The following RAPGEF2 variants were observed in gnomAD, a reference collection of about 807,000 sequenced individuals.
RAPGEF2 encodes the protein Rap guanine nucleotide exchange factor 2, also known as PDZ domain containing guanine nucleotide exchange factor (GEF) 1.
RAPGEF2 carries 54 observed loss-of-function variants against 186.7 expected under a neutral mutation model. That is an observed-to-expected ratio of 0.29 (90% CI 0.23 to 0.36). The LOEUF is 0.36. Among genes scored for constraint, RAPGEF2 ranks in the 10% least tolerant of loss-of-function variants. The pLI is 1.00. For synonymous variants in RAPGEF2, 712 were observed against 705.9 expected (o/e 1.01, Z -0.14); for missense variants, 1,532 against 2,045.0 (o/e 0.75, Z 4.84).
chr4:159,150,439 T>A (rs1022913882), intron 1 of RAPGEF2, among the ~76,000 whole-genome samples: 4 of 152,330 alleles, frequency 2.6e-5, no homozygotes, highest in African/African-American at 9.6e-5. Flanking sequence ...CACACATATT[T>A]TCTCTGTAAG....
chr4:159,146,122 G>A (rs1742936878), intron 1 of RAPGEF2, among the ~76,000 whole-genome samples: 1 of 151,942 alleles, frequency 6.6e-6, no homozygotes, highest in African/African-American at 2.4e-5. Context: ...CTTGCAGAGT[G>A]AATTATGATT....
intron 23 of RAPGEF2, among the ~76,000 whole-genome samples, chr4:159,344,716 A>G (rs1392117997): frequency 6.6e-6 from 1 of 152,224 alleles, no homozygotes; most frequent in Non-Finnish European, 1.5e-5. Flanking sequence ...ATTTAAATTT[A>G]TGTATAATAT....
At chr4:159,258,805 T>G (rs1332860743) in intron 7 of RAPGEF2, among the ~76,000 whole-genome samples, 2 of 152,154 alleles carry the variant, frequency 1.3e-5, no homozygotes, top group African/African-American at 4.8e-5. Context: ...AAAATTAGCA[T>G]TATTTAGTAT....
chr4:159,193,357 AACTT>A (rs1223307846), intron 3 of RAPGEF2, 101 bp downstream of exon 3: 1 of 532,496 alleles, frequency 1.9e-6, no homozygotes, highest in Non-Finnish European at 3.0e-6. Context: ...AGTCAGCACT[AACTT>A]ATTTTTCTTA....
intron 26 of RAPGEF2, among the ~76,000 whole-genome samples, chr4:159,351,841 C>T (rs1381661114): frequency 6.6e-6 from 1 of 152,072 alleles, no homozygotes; most frequent in Non-Finnish European, 1.5e-5. Flanking sequence ...ATCCCAGCCA[C>T]TCGGGAGGCT....
At chr4:159,170,492 G>A (rs1218327357) in intron 1 of RAPGEF2, among the ~76,000 whole-genome samples, 1 of 152,120 alleles carries the variant, frequency 6.6e-6, no homozygotes. Context: ...GTATTTACAT[G>A]GCATTAGATA....
chr4:159,243,310 T>A (rs1754235895), intron 6 of RAPGEF2, among the ~76,000 whole-genome samples: 1 of 151,900 alleles, frequency 6.6e-6, no homozygotes, highest in South Asian at 2.1e-4. Flanking sequence ...GATTGCATCC[T>A]TTTTTGGGGT....
intron 29 of RAPGEF2, among the ~76,000 whole-genome samples, chr4:159,357,589 A>G (rs1001174643): frequency 5.3e-5 from 8 of 152,206 alleles, no homozygotes; most frequent in Non-Finnish European, 1.5e-5. Flanking sequence ...AGGCCGAGGC[A>G]GGAGAATCGC....
chr4:159,220,886 T>C (rs1751468432), intron 4 of RAPGEF2, among the ~76,000 whole-genome samples: 1 of 152,194 alleles, frequency 6.6e-6, no homozygotes, highest in Non-Finnish European at 1.5e-5. Context: ...TTTAAAAAGT[T>C]TGACAATATT....
At chr4:159,214,435 G>C (rs1213160907) in intron 4 of RAPGEF2, among the ~76,000 whole-genome samples, 3 of 152,264 alleles carry the variant, frequency 2.0e-5, no homozygotes, top group African/African-American at 4.8e-5. Flanking sequence ...TTTAGAAATG[G>C]TTTTCTAATG....
At chr4:159,152,399 CAG>C (rs1287933448) in intron 1 of RAPGEF2, among the ~76,000 whole-genome samples, 1 of 152,164 alleles carries the variant, frequency 6.6e-6, no homozygotes, top group African/African-American at 2.4e-5. Flanking sequence ...AATCTGGACT[CAG>C]AGGCAGAATG....
chr4:159,332,281 C>A (rs1450944386), intron 16 of RAPGEF2, among the ~76,000 whole-genome samples, 170 bp from the exon 17 acceptor site: 2 of 152,026 alleles, frequency 1.3e-5, no homozygotes, highest in Non-Finnish European at 1.5e-5. Context: ...ACATACCAAG[C>A]AGATTTGGCG....
chr4:159,287,247 A>G (rs958921118), intron 7 of RAPGEF2, among the ~76,000 whole-genome samples: 6 of 152,182 alleles, frequency 3.9e-5, no homozygotes, highest in Non-Finnish European at 8.8e-5. Flanking sequence ...ATGATAAGTT[A>G]AGATTAACAC....
At chr4:159,220,624 C>T (rs1392767008) in intron 4 of RAPGEF2, among the ~76,000 whole-genome samples, 1 of 152,164 alleles carries the variant, frequency 6.6e-6, no homozygotes, top group Non-Finnish European at 1.5e-5. Flanking sequence ...GCTGTTCTGT[C>T]TGTCTGGGAT....
intron 7 of RAPGEF2, among the ~76,000 whole-genome samples, chr4:159,281,683 A>AG (rs1227644741): frequency 7.0e-6 from 1 of 142,762 alleles, no homozygotes; most frequent in African/African-American, 2.8e-5. Flanking sequence ...AAAAAAAAAA[A>AG]AAAAAAAGAA....
chr4:159,147,230 G>T (rs1253767699), intron 1 of RAPGEF2, among the ~76,000 whole-genome samples: 1 of 151,892 alleles, frequency 6.6e-6, no homozygotes, highest in Non-Finnish European at 1.5e-5. Flanking sequence ...AAAACACAAA[G>T]AATTTTTACA....
At chr4:159,292,859 A>G (rs1761419432) in intron 7 of RAPGEF2, among the ~76,000 whole-genome samples, 1 of 152,222 alleles carries the variant, frequency 6.6e-6, no homozygotes, top group African/African-American at 2.4e-5. Context: ...TCTCCAAATT[A>G]GAGGGCACTG....
At chr4:159,288,979 C>T (rs1760849415) in intron 7 of RAPGEF2, among the ~76,000 whole-genome samples, 1 of 152,182 alleles carries the variant, frequency 6.6e-6, no homozygotes. Flanking sequence ...GTATCCTCTC[C>T]ATTCCCAGCC....
intron 1 of RAPGEF2, among the ~76,000 whole-genome samples, chr4:159,127,304 G>T (rs1173764926): frequency 2.0e-5 from 3 of 152,164 alleles, no homozygotes; most frequent in Non-Finnish European, 4.4e-5. Context: ...TGGGATTACA[G>T]GTGTGAACCA....
Sources: gnomAD v4.1 joint callset for allele counts (sites outside exome capture counted in the v4.1 genomes callset) on GRCh38, gnomAD v4.1.1 for gene constraint, MANE v1.5 for transcripts, NCBI Gene and HGNC (gene_info 2026-07-23, HGNC 2026-07-21) for gene names.